The following VSIG1 variants were observed in gnomAD, a reference collection of about 807,000 sequenced individuals.
The protein encoded by VSIG1 is V-set and immunoglobulin domain containing 1.
A neutral mutation model predicts 20.1 loss-of-function variants in VSIG1; 11 were observed. The ratio of observed to expected loss-of-function variants is 0.55; its 90% CI spans 0.34 to 0.91. The LOEUF (loss-of-function observed/expected upper bound fraction) is 0.91. Ranked by LOEUF, VSIG1 falls within the 40% of genes least tolerant of loss-of-function variation. The pLI is 0.02. For missense variants in VSIG1, 283 were observed against 298.8 expected (o/e 0.95, Z 0.39); for synonymous variants, 126 against 116.7 (o/e 1.08, Z -0.52).
the VSIG1 span, among the ~76,000 whole-genome samples, chrX:108,039,536 C>T: frequency 4.5e-5 from 5 of 111,535 alleles, no homozygotes; most frequent in Admixed American, 1.9e-4. Context: ...AAATTGGAAA[C>T]GAGTGGAGAA....
intron 3 of VSIG1, among the ~76,000 whole-genome samples, chrX:108,070,470 C>CA (rs941584004): frequency 1.3e-4 from 15 of 111,127 alleles, no homozygotes; most frequent in Admixed American, 2.9e-4. Context: ...ATATTCTAAG[C>CA]AAAAAAAATG....
chrX:108,066,771 A>G, intron 2 of VSIG1, among the ~76,000 whole-genome samples, 165 bp from the exon 3 acceptor site: 1 of 111,804 alleles, frequency 8.9e-6, no homozygotes, highest in Non-Finnish European at 1.9e-5. Flanking sequence ...TGAGCAAACT[A>G]AAGTGCCCCA....
chrX:108,076,038 T>C lies in VSIG1; in HGVS notation c.689-39T>C, dbSNP rs1459847137. Reference sequence around the variant, plus strand: ...ACAAACACACATTATAAAATGACAATATATTCCACTTTATTAACCAGCTGC... The same window carrying C: ...ACAAACACACATTATAAAATGACAACATATTCCACTTTATTAACCAGCTGC... On this transcript the variant is annotated intron_variant, in intron 5 of 6. Coordinates refer to ENST00000217957, the MANE Select transcript of VSIG1 (RefSeq NM_182607.5). The C allele has an allele frequency of 2.5e-6, 3 of 1,202,539 alleles. No homozygotes were observed. In the South Asian group the frequency reaches 5.4e-5, roughly 22 times the overall value.
intron 2 of VSIG1, among the ~76,000 whole-genome samples, chrX:108,058,946 G>GTGTT (rs748753313): frequency 2.0e-3 from 229 of 111,796 alleles, no homozygotes; most frequent in African/African-American, 6.8e-3. Flanking sequence ...GTGTGTGTGT[G>GTGTT]TGTGCGCATG....
At chrX:108,062,371 C>A (rs1452809261) in intron 2 of VSIG1, among the ~76,000 whole-genome samples, 1 of 111,514 alleles carries the variant, frequency 9.0e-6, no homozygotes, top group South Asian at 3.8e-4. Context: ...CAGAGCCACA[C>A]AATAAAGAGT....
the VSIG1 span, among the ~76,000 whole-genome samples, chrX:108,021,200 TA>T: frequency 8.9e-6 from 1 of 111,775 alleles, no homozygotes; most frequent in Non-Finnish European, 1.9e-5. Flanking sequence ...GCATCACAAA[TA>T]TGGAAGTTTG....
intron 5 of VSIG1, among the ~76,000 whole-genome samples, chrX:108,074,185 G>C (rs912261761): frequency 8.9e-6 from 1 of 111,909 alleles, no homozygotes; most frequent in Non-Finnish European, 1.9e-5. Flanking sequence ...CCATATCCAG[G>C]GATGGCAAGT....
chrX:108,053,514 G>A (rs2030829064), intron 1 of VSIG1, among the ~76,000 whole-genome samples: 1 of 111,045 alleles, frequency 9.0e-6, no homozygotes. Context: ...AGTCAAGATG[G>A]AATCATAAAA....
chrX:108,023,263 C>T, the VSIG1 span, among the ~76,000 whole-genome samples: 1 of 111,734 alleles, frequency 8.9e-6, no homozygotes, highest in Non-Finnish European at 1.9e-5. Context: ...TGGTGTATTA[C>T]ATTAATTTGT....
chrX:108,028,243 G>A, the VSIG1 span, among the ~76,000 whole-genome samples: 1 of 111,461 alleles, frequency 9.0e-6, no homozygotes, highest in Non-Finnish European at 1.9e-5. Flanking sequence ...TCACCGGGAG[G>A]AATTTGCCTC....
chrX:108,064,633 G>GTGAC (rs1569290990), intron 2 of VSIG1: 2 of 455,697 alleles, frequency 4.4e-6, no homozygotes, highest in East Asian at 3.8e-4. Context: ...GGCCTCAGGC[G>GTGAC]TGACTGATGT....
chrX:108,055,713 G>A (rs904086537), intron 1 of VSIG1, among the ~76,000 whole-genome samples: 1 of 55,378 alleles, frequency 1.8e-5, no homozygotes, highest in Non-Finnish European at 4.7e-5. Context: ...AAAAAAATAT[G>A]ATCATATCAA....
At chrX:108,051,245 G>A (rs1031524637) in intron 1 of VSIG1, among the ~76,000 whole-genome samples, 3 of 111,394 alleles carry the variant, frequency 2.7e-5, no homozygotes, top group African/African-American at 9.8e-5. Context: ...CTCTGTCTCA[G>A]TGGGTGTATG....
chrX:108,066,870 C>T (rs2031139516), intron 2 of VSIG1, 66 bp from the exon 3 acceptor site: 2 of 1,051,387 alleles, frequency 1.9e-6, no homozygotes, highest in Admixed American at 4.5e-5. Flanking sequence ...TTAGAAGAAG[C>T]TTTCAGGTAG....
chrX:108,060,724 C>A (rs2031002003), intron 2 of VSIG1, among the ~76,000 whole-genome samples: 1 of 111,861 alleles, frequency 8.9e-6, no homozygotes, highest in South Asian at 3.7e-4. Context: ...GTTCCGTTTC[C>A]AATCTTTAAA....
intron 1 of VSIG1, among the ~76,000 whole-genome samples, chrX:108,049,174 T>C (rs1312299157): frequency 2.7e-5 from 3 of 112,616 alleles, no homozygotes; most frequent in Non-Finnish European, 5.6e-5. Flanking sequence ...TTGTCTCACT[T>C]TAAAATTTGA....
rs1037027294 is a variant in VSIG1, at chrX:108,056,864, C to T, written c.50-1174C>T. Among the ~76,000 whole-genome samples the T allele has an allele frequency of 4.5e-5, 5 of 111,723 alleles. No homozygotes were observed. In the East Asian group the frequency reaches 1.1e-3, roughly 25 times the overall value. ...AAAATAAAATAAAATATGCAACTGG[C>T]GTATGATCCAGCAATTGCACTGTTG... On this transcript the variant is annotated intron_variant, in intron 1 of 6. Coordinates refer to ENST00000217957, the MANE Select transcript of VSIG1 (RefSeq NM_182607.5).
the VSIG1 span, among the ~76,000 whole-genome samples, chrX:108,021,809 A>T: frequency 8.9e-5 from 10 of 112,249 alleles, no homozygotes; most frequent in Admixed American, 8.5e-4. Context: ...TGTTGAAATG[A>T]CTATTCTTTC....
intron 2 of VSIG1, among the ~76,000 whole-genome samples, chrX:108,059,412 A>G (rs778609167): frequency 1.8e-5 from 2 of 111,907 alleles, no homozygotes; most frequent in South Asian, 7.5e-4. Flanking sequence ...CTCTAGTCCA[A>G]GTTAAACAAT....
Sources: allele counts gnomAD v4.1 joint callset (sites outside exome capture counted in the v4.1 genomes callset), GRCh38; gene constraint gnomAD v4.1.1; transcripts MANE v1.5; gene names NCBI Gene and HGNC (gene_info 2026-07-23, HGNC 2026-07-21).